XKR4: variants seen among roughly 807,000 people sequenced by gnomAD.
The protein encoded by XKR4 is XK related 4, also known as XK-related protein 4.
XKR4 carries 12 observed loss-of-function variants against 53.9 expected under a neutral mutation model. That is an observed-to-expected ratio of 0.22 (90% CI 0.14 to 0.36). The LOEUF is 0.36. XKR4 is among the 10% of genes least tolerant of loss of function. The pLI, the probability that XKR4 is intolerant of heterozygous loss-of-function variation, is 1.00. For missense variants in XKR4, 799 were observed against 859.5 expected, an observed-to-expected ratio of 0.93 and a Z score of 0.88; for synonymous variants, 354 against 362.4, an observed-to-expected ratio of 0.98 and a Z score of 0.26.
Position 55,102,616 on chromosome 8 carries a change from G to C in XKR4, c.128G>C (p.Gly43Ala), listed in dbSNP as rs370743769. Residue 43 changes from glycine to alanine, a missense_variant, in exon 1 of 3, where the codon GGA becomes GCA. Physicochemically the swap from Gly to Ala is moderately conservative, Grantham distance 60. This residue lies in a region of XKR4 where 476 missense variants were observed against 505.4 expected (regional missense o/e 0.94). Transcript: ENST00000327381. The surrounding 1 kb of genome is among the most constrained non-coding windows in gnomAD (Gnocchi z 5.1). ...GLAPGLPSGS[G>A]AEDEEAAGGG... Reference sequence around the variant, plus strand: ...GCTCCAGGCTTGCCGTCGGGGTCGGGAGCCGAGGACGAGGAGGCGGCCGGG... The same window carrying C: ...GCTCCAGGCTTGCCGTCGGGGTCGGCAGCCGAGGACGAGGAGGCGGCCGGG... The C allele has an allele frequency of 7.0e-6, 10 of 1,427,732 alleles. No homozygotes were observed. In the African/African-American group the frequency reaches 1.2e-4, roughly 17 times the overall value. The allele number at this position is 1,427,732 out of a possible 1,614,324, so 88.4% of individuals were successfully genotyped here. A position where few individuals can be genotyped will look rare whatever the true frequency, so the allele number is the denominator to read the frequency against.
At chr8:55,444,029 G>C (rs1009314577) in intron 2 of XKR4, among the ~76,000 whole-genome samples, 1 of 152,042 alleles carries the variant, frequency 6.6e-6, no homozygotes, top group African/African-American at 2.4e-5. Context: ...AAATTAGCCA[G>C]GCATAATGGC....
At chr8:55,429,431 C>T (rs759582195) in intron 2 of XKR4, among the ~76,000 whole-genome samples, 4 of 151,846 alleles carry the variant, frequency 2.6e-5, no homozygotes, top group Non-Finnish European at 2.9e-5. Context: ...ATATTGAGGT[C>T]GGGTGCGGTG....
chr8:55,397,104 A>G (rs1804531424), intron 2 of XKR4, among the ~76,000 whole-genome samples: 1 of 152,250 alleles, frequency 6.6e-6, no homozygotes, highest in African/African-American at 2.4e-5. Flanking sequence ...ATGTCTGCAC[A>G]AAAAAGCAGA....
intron 1 of XKR4, among the ~76,000 whole-genome samples, chr8:55,297,823 T>G (rs1471056232): frequency 6.6e-6 from 1 of 152,190 alleles, no homozygotes; most frequent in Non-Finnish European, 1.5e-5. Flanking sequence ...TTTCTTTTCT[T>G]TATATATTCA....
rs1288545270 is a variant in XKR4, at chr8:55,350,499, A to G, written c.807-7179A>G. On this transcript the variant is annotated intron_variant, in intron 1 of 2. Coordinates refer to ENST00000327381, the MANE Select transcript of XKR4 (RefSeq NM_052898.2). The stretch of plus-strand genomic sequence containing the variant: ...TAAAGTTTGATACGAGCTATATAGC[A>G]CAGATGAACCTTGAGGACATTATGC... 3.9e-5 allele frequency among the ~76,000 whole-genome samples: 6 copies of G among 152,330 alleles called. No homozygotes were observed. The East Asian group carries it at 9.6e-4, about 24-fold the overall frequency.
At chr8:55,239,224 C>T (rs1216856081) in intron 1 of XKR4, among the ~76,000 whole-genome samples, 2 of 152,186 alleles carry the variant, frequency 1.3e-5, no homozygotes, top group Non-Finnish European at 1.5e-5. Flanking sequence ...CTTCACCATT[C>T]TGTGTTAGGT....
chr8:55,116,053 T>C (rs1447201118), intron 1 of XKR4, among the ~76,000 whole-genome samples: 1 of 151,918 alleles, frequency 6.6e-6, no homozygotes, highest in African/African-American at 2.4e-5. Context: ...CAAGACATGA[T>C]AGTGGTTGTC....
At chr8:55,493,339 T>C (rs181818528) in intron 2 of XKR4, among the ~76,000 whole-genome samples, 201 of 152,334 alleles carry the variant, frequency 1.3e-3, no homozygotes, top group Admixed American at 2.4e-3. Context: ...TTGCTAGCTA[T>C]TTCCTCTGCA....
At chr8:55,423,004 A>G (rs1343821203) in intron 2 of XKR4, among the ~76,000 whole-genome samples, 1 of 152,214 alleles carries the variant, frequency 6.6e-6, no homozygotes, top group African/African-American at 2.4e-5. Context: ...GTCTAAGACA[A>G]TGCCCCATGT....
At position 55,521,735 on chromosome 8, in the gene XKR4, G is replaced by GT. The variant is rs200837671; in HGVS notation, c.1007-1544dup. Among the ~76,000 whole-genome samples the GT allele has an allele frequency of 3.3e-5, 5 of 152,294 alleles. No individual in the cohort carries two copies. In the East Asian group the frequency reaches 9.6e-4, roughly 29 times the overall value. On this transcript the variant is annotated intron_variant, in intron 2 of 2. Coordinates refer to ENST00000327381, the MANE Select transcript of XKR4 (RefSeq NM_052898.2). ...GGATGTATCAGAAATAATTATTGGGGTTGAATGTATTTCCTGTCAATTAGT... is the reference window on the plus strand; with the variant it reads ...GGATGTATCAGAAATAATTATTGGGGTTTGAATGTATTTCCTGTCAATTAGT...
At chr8:55,466,155 A>G (rs1294070473) in intron 2 of XKR4, among the ~76,000 whole-genome samples, 1 of 152,208 alleles carries the variant, frequency 6.6e-6, no homozygotes, top group Non-Finnish European at 1.5e-5. Flanking sequence ...CCAAAGGATT[A>G]TAAATCATGC....
At chr8:55,151,932 C>T (rs898826713) in intron 1 of XKR4, among the ~76,000 whole-genome samples, 3 of 152,148 alleles carry the variant, frequency 2.0e-5, no homozygotes, top group African/African-American at 7.2e-5. Flanking sequence ...AATGAAGAAT[C>T]TTGCAAGTAT....
At chr8:55,454,013 C>A in intron 2 of XKR4, 1 of 879,380 alleles carries the variant, frequency 1.1e-6, no homozygotes, top group East Asian at 2.8e-5. Context: ...CGGGTGAATG[C>A]ACACGACGTG....
chr8:55,180,399 C>T (rs1396239458), intron 1 of XKR4, among the ~76,000 whole-genome samples: 1 of 152,208 alleles, frequency 6.6e-6, no homozygotes, highest in Non-Finnish European at 1.5e-5. Context: ...AGAGGTAAAA[C>T]ACCAACTTTA....
chr8:55,450,517 A>C (rs1390778401), intron 2 of XKR4: 9 of 650,344 alleles, frequency 1.4e-5, no homozygotes, highest in Admixed American at 2.1e-5. Context: ...GCTCATAGTC[A>C]GAGTCCAGTA....
At chr8:55,135,524 C>A in intron 1 of XKR4, 1 of 444,114 alleles carries the variant, frequency 2.3e-6, no homozygotes, top group Non-Finnish European at 4.6e-6. Flanking sequence ...TAACTCTTTT[C>A]CCTCAGTTGA....
chr8:55,297,597 G>A (rs907510943), intron 1 of XKR4, among the ~76,000 whole-genome samples: 4 of 152,098 alleles, frequency 2.6e-5, no homozygotes, highest in African/African-American at 4.8e-5. Context: ...CTGCTTTATT[G>A]GGAAAGTTAT....
intron 1 of XKR4, among the ~76,000 whole-genome samples, chr8:55,279,825 G>A (rs1818813392): frequency 6.6e-6 from 1 of 152,148 alleles, no homozygotes; most frequent in South Asian, 2.1e-4. Context: ...TTAGAGACCA[G>A]CAGAGATGAC....
intron 2 of XKR4, among the ~76,000 whole-genome samples, chr8:55,439,239 G>A (rs1207063244): frequency 2.0e-5 from 3 of 151,994 alleles, no homozygotes; most frequent in African/African-American, 7.3e-5. Flanking sequence ...GCACTCATCA[G>A]AAGCAAACAA....
Sources: allele counts gnomAD v4.1 joint callset (sites outside exome capture counted in the v4.1 genomes callset), GRCh38; gene constraint gnomAD v4.1.1; regional missense constraint gnomAD v4.1.1; non-coding constraint Gnocchi (gnomAD v3.1); transcripts MANE v1.5; gene names NCBI Gene and HGNC (gene_info 2026-07-23, HGNC 2026-07-21).